ANO1: variants seen among roughly 807,000 people sequenced by gnomAD.
The protein encoded by ANO1 is anoctamin-1.
ANO1 carries 59 observed loss-of-function variants against 124.0 expected under a neutral mutation model. The ratio of observed to expected loss-of-function variants is 0.48; its 90% confidence interval spans 0.39 to 0.59. The LOEUF is 0.59. ANO1 is among the 20% of genes least tolerant of loss of function. ANO1 has a pLI of 0.00. For synonymous variants in ANO1, 529 were observed against 532.0 expected, an observed-to-expected ratio of 0.99 and a Z score of 0.08; for missense variants, 1,059 against 1,328.0, an observed-to-expected ratio of 0.80 and a Z score of 3.15.
At chr11:70,170,102 C>G (rs757485012) in intron 21 of ANO1, 14 of 454,918 alleles carry the variant, frequency 3.1e-5, no homozygotes, top group African/African-American at 2.8e-4. Flanking sequence ...GGCAGTGGGT[C>G]CCCACCCGGA....
intron 1 of ANO1, among the ~76,000 whole-genome samples, chr11:70,028,479 G>A (rs1555003440): frequency 6.6e-6 from 1 of 151,206 alleles, no homozygotes; most frequent in Non-Finnish European, 1.5e-5. Flanking sequence ...TCTACTGCCT[G>A]ATCCCTGACA....
At chr11:70,027,151 T>C (rs1856922222) in intron 1 of ANO1, among the ~76,000 whole-genome samples, 2 of 152,186 alleles carry the variant, frequency 1.3e-5, no homozygotes, top group Admixed American at 6.5e-5. Context: ...ACAAACCATA[T>C]GTAGATTCTT....
intron 22 of ANO1, among the ~76,000 whole-genome samples, chr11:70,176,740 T>C (rs7931752): frequency 0.76 from 115,915 of 152,068 alleles, 44,283 homozygotes; most frequent in East Asian, 0.84. Context: ...TTCAGGTTAA[T>C]TTGGGGGTGC....
At chr11:70,036,268 T>C (rs1368632434) in intron 1 of ANO1, among the ~76,000 whole-genome samples, 2 of 152,242 alleles carry the variant, frequency 1.3e-5, no homozygotes, top group African/African-American at 4.8e-5. Context: ...TCTCTGCCGC[T>C]GTCTTTACCT....
At chr11:70,115,489 C>T (rs1482164108) in intron 7 of ANO1, among the ~76,000 whole-genome samples, 5 of 151,958 alleles carry the variant, frequency 3.3e-5, no homozygotes, top group East Asian at 1.9e-4. Context: ...GGTGGGCACC[C>T]GTAGTCCCGG....
chr11:70,187,686 C>A, intron 25 of ANO1, 52 bp from the exon 26 acceptor site: 1 of 1,556,286 alleles, frequency 6.4e-7, no homozygotes, highest in Non-Finnish European at 8.7e-7. Context: ...AGGTCAGGAG[C>A]ACTTCCCCAG....
chr11:70,029,062 A>AT (rs1288843504), intron 1 of ANO1, among the ~76,000 whole-genome samples: 1 of 152,194 alleles, frequency 6.6e-6, no homozygotes, highest in Non-Finnish European at 1.5e-5. Flanking sequence ...GATTACAGGC[A>AT]TGAGCCACTG....
At chr11:70,114,320 A>G (rs2045897194) in intron 7 of ANO1, among the ~76,000 whole-genome samples, 1 of 152,250 alleles carries the variant, frequency 6.6e-6, no homozygotes, top group African/African-American at 2.4e-5. Context: ...CAGATTTTCC[A>G]TATGACTGAA....
chr11:70,115,509 A>T (rs564669065), intron 7 of ANO1, among the ~76,000 whole-genome samples: 1 of 152,272 alleles, frequency 6.6e-6, no homozygotes, highest in East Asian at 1.9e-4. Context: ...GCTACTTGGG[A>T]GGCTGAGGCA....
intron 1 of ANO1, among the ~76,000 whole-genome samples, chr11:70,029,785 C>T (rs951029689): frequency 2.0e-5 from 3 of 152,196 alleles, no homozygotes; most frequent in Non-Finnish European, 4.4e-5. Context: ...GGGCAGGGCC[C>T]TTCCTGCCTC....
At chr11:70,148,464 G>A (rs74926031) in intron 11 of ANO1, among the ~76,000 whole-genome samples, 5,693 of 152,220 alleles carry the variant, frequency 0.037, 381 homozygotes, top group African/African-American at 0.13. Context: ...GGCTGGTATT[G>A]AACTCTGGTA....
chr11:70,076,329 A>G (rs2044056035), upstream of ANO1, among the ~76,000 whole-genome samples: 1 of 152,182 alleles, frequency 6.6e-6, no homozygotes, highest in Non-Finnish European at 1.5e-5. Context: ...ATGGCCCCCC[A>G]GCAGGCAGCC....
intron 7 of ANO1, 36 bp from the exon 8 acceptor site, chr11:70,116,422 G>C: frequency 6.3e-7 from 1 of 1,577,674 alleles, no homozygotes; most frequent in Non-Finnish European, 8.6e-7. Context: ...AGCTCCATTG[G>C]ATGATAAGAA....
intron 1 of ANO1, among the ~76,000 whole-genome samples, chr11:70,000,459 C>A (rs1176370431): frequency 6.6e-6 from 1 of 151,026 alleles, no homozygotes; most frequent in African/African-American, 2.4e-5. Context: ...CAAAACCACC[C>A]TGAGATTACC....
At chr11:70,037,796 TC>T (rs373739722) in intron 1 of ANO1, among the ~76,000 whole-genome samples, 67 of 152,266 alleles carry the variant, frequency 4.4e-4, no homozygotes, top group East Asian at 3.5e-3. Flanking sequence ...TACCACATAG[TC>T]ATTTGACTCT....
In ANO1 at chr11:70,140,555, GAAGA is replaced by G. The variant is rs201206366; in HGVS notation, c.1258+8488_1258+8491del. Among the ~76,000 whole-genome samples, 320 of 151,922 alleles carry G rather than the reference GAAGA, an allele frequency of 2.1e-3. 1 individual carries two copies. Among genetic ancestry groups the G allele is most frequent in the East Asian group, 0.014 (71 of 5,162 alleles). The stretch of plus-strand genomic sequence containing the variant: ...TCAAGGAAAAAAAAAAGAAGAAGAA[GAAGA>G]AAGAAAGAAAGTAAAGGAGTGAAAG... On this transcript the variant is annotated intron_variant, in intron 11 of 25. Coordinates refer to ENST00000355303, the MANE Select transcript of ANO1 (RefSeq NM_018043.7).
chr11:70,028,654 G>A (rs568457487), intron 1 of ANO1, among the ~76,000 whole-genome samples: 128 of 152,058 alleles, frequency 8.4e-4, no homozygotes, highest in African/African-American at 3.0e-3. Context: ...CTCCTAATAG[G>A]GCCTCCTTCC....
chr11:69,995,792 C>T (rs1480853531), intron 1 of ANO1, among the ~76,000 whole-genome samples: 2 of 152,164 alleles, frequency 1.3e-5, no homozygotes, highest in Non-Finnish European at 2.9e-5. Context: ...CGTCAGGTTA[C>T]TAGCACTGGT....
At chr11:70,185,803 C>T (rs7937532) in intron 25 of ANO1, 108 bp downstream of exon 25, 467,206 of 1,226,598 alleles carry the variant, frequency 0.38, 92,648 homozygotes, top group East Asian at 0.52. Context: ...GGTTCAGAGA[C>T]TCCTCCAGAG....
Sources: allele counts gnomAD v4.1 joint callset (sites outside exome capture counted in the v4.1 genomes callset), GRCh38; gene constraint gnomAD v4.1.1; transcripts MANE v1.5; gene names NCBI Gene and HGNC (gene_info 2026-07-23, HGNC 2026-07-21).